The following PTCHD4 variants were observed in gnomAD, a reference collection of about 807,000 sequenced individuals.
PTCHD4 encodes patched domain containing 4.
A neutral mutation model predicts 58.1 loss-of-function variants in PTCHD4; 33 were observed. That is an observed-to-expected ratio of 0.57 (90% CI 0.43 to 0.76). The LOEUF (loss-of-function observed/expected upper bound fraction) is 0.76. Among genes scored for constraint, PTCHD4 ranks in the 30% least tolerant of loss-of-function variants. PTCHD4 has a pLI of 0.00. For synonymous variants in PTCHD4, 478 were observed against 409.6 expected (o/e 1.17, Z -2.02); for missense variants, 1,058 against 1,027.1 (o/e 1.03, Z -0.41).
intron 1 of PTCHD4, among the ~76,000 whole-genome samples, chr6:48,076,006 C>T (rs1459173294): frequency 5.3e-5 from 8 of 152,204 alleles, no homozygotes; most frequent in Non-Finnish European, 7.4e-5. Context: ...TCACCCACTG[C>T]GGAACTTCTT....
rs1271712405 is a variant in PTCHD4, at chr6:47,857,428, G to A, written c.*20875C>T. On this transcript the variant is annotated 3_prime_UTR_variant, in exon 5 of 5. Transcript: ENST00000339488. ...TAAAACTTCTGCACTGCAGCAAGAC[G>A]GTATCACACTGACTTCCTGATCATG... is the stretch of plus-strand genomic sequence containing the variant. Among the ~76,000 whole-genome samples the A allele has an allele frequency of 1.3e-5, 2 of 151,962 alleles. No individual in the cohort carries two copies. Among genetic ancestry groups the A allele is most frequent in the Non-Finnish European group, 2.9e-5 (2 of 67,962 alleles).
intron 4 of PTCHD4, chr6:47,901,411 G>A (rs28474370): frequency 8.2e-6 from 8 of 971,024 alleles, no homozygotes; most frequent in African/African-American, 5.3e-5. Context: ...TCTCAAACAC[G>A]ATAATTGTTC....
chr6:48,088,959 C>T (rs1029793791), intron 1 of PTCHD4, among the ~76,000 whole-genome samples: 9 of 152,056 alleles, frequency 5.9e-5, no homozygotes, highest in African/African-American at 1.7e-4. Context: ...GCAAGAGAAT[C>T]GCTTGAACCC....
intron 4 of PTCHD4, among the ~76,000 whole-genome samples, chr6:48,007,683 G>T (rs1031588191): frequency 2.6e-5 from 4 of 152,160 alleles, no homozygotes; most frequent in African/African-American, 9.7e-5. Flanking sequence ...CCCCTAGCAA[G>T]CCCTAAGATG....
intron 1 of PTCHD4, among the ~76,000 whole-genome samples, chr6:48,080,264 C>G (rs1436737350): frequency 6.6e-6 from 1 of 152,054 alleles, no homozygotes; most frequent in Non-Finnish European, 1.5e-5. Context: ...TAAAAAAAAG[C>G]AATGTAAACA....
intron 4 of PTCHD4, among the ~76,000 whole-genome samples, chr6:47,990,266 A>G (rs1278125950): frequency 1.3e-5 from 2 of 152,144 alleles, no homozygotes; most frequent in Non-Finnish European, 2.9e-5. Context: ...GAGACTTTGG[A>G]CTATGGACTT....
chr6:48,013,703 T>C (rs1238200565), intron 3 of PTCHD4, among the ~76,000 whole-genome samples: 2 of 152,144 alleles, frequency 1.3e-5, no homozygotes, highest in African/African-American at 4.8e-5. Context: ...ACCTTTGAAA[T>C]CCCACTTTGA....
intron 1 of PTCHD4, among the ~76,000 whole-genome samples, chr6:48,096,705 A>C (rs1765477538): frequency 6.6e-6 from 1 of 152,118 alleles, no homozygotes; most frequent in South Asian, 2.1e-4. Flanking sequence ...GAATCTGAAG[A>C]CAGCAACAGC....
At chr6:47,887,368 T>C (rs1764225568) in intron 4 of PTCHD4, among the ~76,000 whole-genome samples, 1 of 151,982 alleles carries the variant, frequency 6.6e-6, no homozygotes, top group Non-Finnish European at 1.5e-5. Flanking sequence ...ATAATTATTA[T>C]TAACAGCCCT....
At chr6:48,070,330 A>G (rs1379556569) in intron 1 of PTCHD4, among the ~76,000 whole-genome samples, 4 of 152,154 alleles carry the variant, frequency 2.6e-5, no homozygotes, top group African/African-American at 7.2e-5. Context: ...TTAATTAGAT[A>G]CTTAGAAAGG....
chr6:47,974,674 C>CT (rs2113995723), intron 4 of PTCHD4, among the ~76,000 whole-genome samples: 1 of 152,264 alleles, frequency 6.6e-6, no homozygotes, highest in South Asian at 2.1e-4. Context: ...GTTGAGAATG[C>CT]TGTACGAATA....
At chr6:48,007,188 T>G (rs968367562) in intron 4 of PTCHD4, among the ~76,000 whole-genome samples, 5 of 151,968 alleles carry the variant, frequency 3.3e-5, no homozygotes, top group Non-Finnish European at 7.4e-5. Flanking sequence ...TGCAGTGAGT[T>G]GAGATCGTGA....
Position 47,878,884 on chromosome 6 carries a change from T to C in PTCHD4, c.1951A>G (p.Ser651Gly). 2 of 1,613,632 alleles carry C rather than the reference T, an allele frequency of 1.2e-6. No homozygotes were observed. The highest frequency in any genetic ancestry group is 3.3e-4 in the Middle Eastern group (2 of 6,056). Reference protein sequence around the residue: ...NPSFVFMDHYSLSVTVPVLIA... With the variant: ...NPSFVFMDHYGLSVTVPVLIA... ...AGAACAGGCACTGTGACAGACAAGC[T>C]GTAATGGTCCATGAAGACAAAGGAG... Residue 651 changes from serine (S) to glycine (G), a missense_variant, in exon 5 of 5, where the codon AGC (serine) becomes GGC (glycine). Transcript: ENST00000339488.
chr6:47,968,556 G>A (rs1767381712), intron 4 of PTCHD4, among the ~76,000 whole-genome samples: 2 of 152,280 alleles, frequency 1.3e-5, no homozygotes, highest in South Asian at 2.1e-4. Flanking sequence ...AATAAAACAA[G>A]ATATGCCTGG....
At chr6:47,885,287 G>A (rs2114110836) in intron 4 of PTCHD4, among the ~76,000 whole-genome samples, 1 of 152,130 alleles carries the variant, frequency 6.6e-6, no homozygotes, top group Middle Eastern at 3.4e-3. Flanking sequence ...TGTGTGTATT[G>A]AGTACTCCAC....
At chr6:47,891,093 A>T (rs1254418006) in intron 4 of PTCHD4, among the ~76,000 whole-genome samples, 7 of 150,926 alleles carry the variant, frequency 4.6e-5, no homozygotes, top group Admixed American at 6.6e-5. Context: ...GTGGTGGCGC[A>T]TGCCTGTAAT....
chr6:47,972,222 C>T (rs1161372832), intron 4 of PTCHD4, among the ~76,000 whole-genome samples: 1 of 151,974 alleles, frequency 6.6e-6, no homozygotes, highest in Non-Finnish European at 1.5e-5. Flanking sequence ...AAATCAATCA[C>T]AAAACAGCAG....
At position 47,878,703 on chromosome 6, in the gene PTCHD4, G is replaced by T; in HGVS notation, c.2132C>A (p.Ser711Tyr). Residue 711 changes from serine to tyrosine, a missense_variant, in exon 5 of 5, where the codon TCT becomes TAT. Physicochemically the swap from Ser to Tyr is moderately radical, Grantham distance 144. Coordinates refer to ENST00000339488, the MANE Select transcript of PTCHD4 (RefSeq NM_001384253.1). ...CAAGGTGTAGATAAGGCACAAGATA[G>T]AAATGCAATCCATGTCGACGTTCCA... ...TLWNVDMDCI[S>Y]ILCLIYTLNF... 6.2e-7 allele frequency: 1 copy of T among 1,613,632 alleles called. No individual in the cohort carries two copies. Among genetic ancestry groups the T allele is most frequent in the Non-Finnish European group, 8.5e-7 (1 of 1,179,786 alleles).
chr6:47,990,133 A>G (rs1293699665), intron 4 of PTCHD4, among the ~76,000 whole-genome samples: 1 of 152,012 alleles, frequency 6.6e-6, no homozygotes, highest in Admixed American at 6.5e-5. Context: ...GTTTTGCCCA[A>G]TTTCTCCCCT....
Sources: gnomAD v4.1 joint callset for allele counts (sites outside exome capture counted in the v4.1 genomes callset) on GRCh38, gnomAD v4.1.1 for gene constraint, MANE v1.5 for transcripts, NCBI Gene and HGNC (gene_info 2026-07-23, HGNC 2026-07-21) for gene names.